Variants in NUP153 observed in about 807,000 individuals in gnomAD.
The protein encoded by NUP153 is nucleoporin 153.
A neutral mutation model predicts 134.6 loss-of-function variants in NUP153; 27 were observed. That is an observed-to-expected ratio of 0.20 (90% CI 0.15 to 0.28). The LOEUF is 0.28. Ranked by LOEUF, NUP153 falls within the 10% of genes least tolerant of loss-of-function variation. NUP153 has a pLI of 1.00. For synonymous variants in NUP153, 640 were observed against 623.5 expected (o/e 1.03, Z -0.40); for missense variants, 1,821 against 1,731.3 (o/e 1.05, Z -0.92).
At chr6:17,617,482 A>AG (rs1446194115) in intron 20 of NUP153, among the ~76,000 whole-genome samples, 2 of 151,604 alleles carry the variant, frequency 1.3e-5, no homozygotes, top group Non-Finnish European at 2.9e-5. Flanking sequence ...AAAAAAAAAA[A>AG]AAAAGGATGG....
chr6:17,623,030 T>C (rs1764726459), intron 20 of NUP153, among the ~76,000 whole-genome samples: 1 of 150,888 alleles, frequency 6.6e-6, no homozygotes, highest in Non-Finnish European at 1.5e-5. Context: ...CTTGGGAGGC[T>C]GAGGCAGAAG....
intron 14 of NUP153, among the ~76,000 whole-genome samples, chr6:17,641,716 G>A (rs561540200): frequency 1.6e-4 from 25 of 152,170 alleles, no homozygotes; most frequent in East Asian, 5.8e-4. Flanking sequence ...TTAGCCGGGC[G>A]TGGTGGCAGG....
At chr6:17,698,835 T>C (rs1581784447) in intron 1 of NUP153, among the ~76,000 whole-genome samples, 1 of 150,944 alleles carries the variant, frequency 6.6e-6, no homozygotes, top group East Asian at 1.9e-4. Flanking sequence ...ATCGTGCCAT[T>C]GCACTCCAGC....
intron 9 of NUP153, among the ~76,000 whole-genome samples, chr6:17,664,836 TGAGGTCAG>T (rs1366990282): frequency 6.6e-6 from 1 of 151,992 alleles, no homozygotes; most frequent in Non-Finnish European, 1.5e-5. Context: ...GTGGGTCACT[TGAGGTCAG>T]GAGTTCGAGA....
chr6:17,681,182 C>A (rs1768556593), intron 2 of NUP153, among the ~76,000 whole-genome samples: 1 of 151,568 alleles, frequency 6.6e-6, no homozygotes, highest in Non-Finnish European at 1.5e-5. Context: ...AAAAAGACAA[C>A]TATCACATGT....
At chr6:17,679,348 T>C (rs987098850) in intron 2 of NUP153, among the ~76,000 whole-genome samples, 29 of 152,128 alleles carry the variant, frequency 1.9e-4, no homozygotes, top group African/African-American at 7.0e-4. Context: ...ACATGGAAAC[T>C]ACAAAACAGT....
At chr6:17,658,699 G>A (rs577514074) in intron 11 of NUP153, among the ~76,000 whole-genome samples, 5 of 152,280 alleles carry the variant, frequency 3.3e-5, no homozygotes, top group Non-Finnish European at 5.9e-5. Context: ...CTCACAAGCT[G>A]AGTGAAAATT....
chr6:17,628,711 G>T lies in NUP153; in HGVS notation c.3488C>A (p.Ser1163Tyr). 6.2e-7 allele frequency: 1 copy of T among 1,613,616 alleles called. No homozygotes were observed. The highest frequency in any genetic ancestry group is 8.5e-7 in the Non-Finnish European group (1 of 1,179,806). Residue 1163 changes from serine (S) to tyrosine (Y), a missense_variant, in exon 18 of 22, where the codon TCT becomes TAT. Ser to Tyr is a moderately radical substitution (Grantham distance 144). Coordinates refer to ENST00000262077, the MANE Select transcript of NUP153 (RefSeq NM_005124.4). The surrounding 1 kb of genome is among the most constrained non-coding windows in gnomAD (Gnocchi z 5.4). ...FSMTKPSEKE[S>Y]EQPAKATFAF... The stretch of plus-strand genomic sequence containing the variant: ...AAAAGTGGCTTTTGCTGGCTGTTCA[G>T]ATTCCTTCTCAGATGGTTTTGTCAT...
rs761540473 is a variant in NUP153, at chr6:17,706,426, G to A, written c.-39C>T. On this transcript the variant is annotated 5_prime_UTR_variant, in exon 1 of 22. Transcript: ENST00000262077. This position sits in a 1 kb window ranked among gnomAD's most constrained non-coding sequence, Gnocchi z 5.9. ...CCGCTTCCCGCTCCGGGGCGGGTAA[G>A]GGGGCGGGAGAGGCAGAGGCGGAGG... The A allele has an allele frequency of 1.3e-5, 20 of 1,539,898 alleles. No individual in the cohort carries two copies. Among genetic ancestry groups the A allele is most frequent in the Non-Finnish European group, 1.7e-5 (19 of 1,121,738 alleles).
At chr6:17,668,069 C>CTTTTTTTTTTTTTTTTTTTTTTTTTT (rs762142682) in intron 8 of NUP153, among the ~76,000 whole-genome samples, 1 of 87,230 alleles carries the variant, frequency 1.1e-5, no homozygotes, top group African/African-American at 4.6e-5. Flanking sequence ...GTTTACTGAA[C>CTTTTTTTTTTTTTTTTTTTTTTTTTT]TTTTTTTTTT....
At chr6:17,656,343 CTG>C (rs771649447) in intron 11 of NUP153, among the ~76,000 whole-genome samples, 40 of 152,138 alleles carry the variant, frequency 2.6e-4, no homozygotes, top group Non-Finnish European at 2.1e-4. Flanking sequence ...GTGAAGAATC[CTG>C]TGACACAAAA....
Position 17,656,831 on chromosome 6 carries a change from T to C in NUP153, c.1395+4822A>G, listed in dbSNP as rs190357215. ...GTGCACAGTTGTCTCTTCATGCCTCTTTATGGGCCACATGTGCAAATTCTG... is the reference window on the plus strand; with the variant it reads ...GTGCACAGTTGTCTCTTCATGCCTCCTTATGGGCCACATGTGCAAATTCTG... On this transcript the variant is annotated intron_variant, in intron 11 of 21. Transcript: ENST00000262077. 3.7e-3 allele frequency among the ~76,000 whole-genome samples: 563 copies of C among 152,318 alleles called. 3 individuals carry two copies. Among genetic ancestry groups the C allele is most frequent in the Non-Finnish European group, 5.6e-3 (379 of 68,032 alleles).
At chr6:17,665,988 T>A (rs77141145) in intron 8 of NUP153, among the ~76,000 whole-genome samples, 1 of 129,036 alleles carries the variant, frequency 7.7e-6, no homozygotes, top group African/African-American at 3.2e-5. Context: ...CTCACCTGGC[T>A]TTTTTTTTTT....
In NUP153 at chr6:17,654,106, C is replaced by A. The variant is rs138969831; in HGVS notation, c.1396-4806G>T. On this transcript the variant is annotated intron_variant, in intron 11 of 21. Coordinates refer to ENST00000262077, the MANE Select transcript of NUP153 (RefSeq NM_005124.4). ...TACTGTGTGTATACGCTGCACAGTT[C>A]TTTCAACATTTCATGTTTGAAATTT... Among the ~76,000 whole-genome samples, 194 of 152,272 alleles carry A rather than the reference C, an allele frequency of 1.3e-3. 1 individual carries two copies. Among genetic ancestry groups the A allele is most frequent in the South Asian group, 4.6e-3 (22 of 4,826 alleles).
chr6:17,649,012 TA>T (rs34965583), intron 12 of NUP153, 150 bp downstream of exon 12: 1 of 722,934 alleles, frequency 1.4e-6, no homozygotes, highest in Non-Finnish European at 2.1e-6. Context: ...TACATTTTTT[TA>T]AAAAAGCAAA....
In NUP153 at chr6:17,662,085, C is replaced by T. The variant is rs1767224834; in HGVS notation, c.1216-15G>A. On this transcript the variant is annotated splice_polypyrimidine_tract_variant and intron_variant, in intron 9 of 21. Coordinates refer to ENST00000262077, the MANE Select transcript of NUP153 (RefSeq NM_005124.4). ...TCATATCCAGTCTGCAGGGGAAATA[C>T]ACACATATTTACGTTTGCTTATTTG... The T allele has an allele frequency of 6.2e-7, 1 of 1,608,796 alleles. No individual in the cohort carries two copies. Among genetic ancestry groups the T allele is most frequent in the African/African-American group, 1.3e-5 (1 of 74,764 alleles).
chr6:17,663,328 C>G (rs1767322421), intron 9 of NUP153, among the ~76,000 whole-genome samples: 1 of 151,922 alleles, frequency 6.6e-6, no homozygotes. Context: ...GTGGTGCTAT[C>G]ACAGTTCACT....
At chr6:17,696,679 C>G (rs1157660373) in intron 1 of NUP153, among the ~76,000 whole-genome samples, 1 of 151,496 alleles carries the variant, frequency 6.6e-6, no homozygotes. Context: ...GGCGTGAACC[C>G]GGCAGGCGGA....
At chr6:17,676,406 G>A (rs1768224014) in intron 2 of NUP153, among the ~76,000 whole-genome samples, 2 of 145,864 alleles carry the variant, frequency 1.4e-5, no homozygotes, top group South Asian at 4.6e-4. Context: ...ACTTCTGCAC[G>A]AGTACCAAAT....
Sources: gnomAD v4.1 joint callset for allele counts (sites outside exome capture counted in the v4.1 genomes callset) on GRCh38, gnomAD v4.1.1 for gene constraint, Gnocchi (gnomAD v3.1) non-coding constraint, MANE v1.5 for transcripts, NCBI Gene and HGNC (gene_info 2026-07-23, HGNC 2026-07-21) for gene names.